ADGRB3: variants seen among roughly 807,000 people sequenced by gnomAD.
ADGRB3 encodes the protein adhesion G protein-coupled receptor B3.
In ADGRB3, 37 loss-of-function variants were observed where a neutral mutation model predicts 193.4. That is an observed-to-expected ratio of 0.19 (90% CI 0.15 to 0.25). The LOEUF (loss-of-function observed/expected upper bound fraction) is 0.25, where lower values mean the gene tolerates loss of function less well. Among genes scored for constraint, ADGRB3 ranks in the 10% least tolerant of loss-of-function variants. ADGRB3 has a pLI of 1.00. For missense variants in ADGRB3, 1,637 were observed against 1,852.9 expected, an observed-to-expected ratio of 0.88 and a Z score of 2.14; for synonymous variants, 690 against 644.2, an observed-to-expected ratio of 1.07 and a Z score of -1.08.
chr6:68,929,243 A>C (rs575737012), intron 3 of ADGRB3, among the ~76,000 whole-genome samples: 1 of 152,206 alleles, frequency 6.6e-6, no homozygotes, highest in African/African-American at 2.4e-5. Flanking sequence ...CTATTCTTTT[A>C]CATTTTCTGC....
intron 17 of ADGRB3, among the ~76,000 whole-genome samples, chr6:69,094,500 A>G (rs1772808766): frequency 6.6e-6 from 1 of 152,218 alleles, no homozygotes. Flanking sequence ...AATATTTAGC[A>G]TTTAGATATC....
intron 3 of ADGRB3, among the ~76,000 whole-genome samples, chr6:68,859,369 C>T (rs778334820): frequency 6.6e-6 from 1 of 152,178 alleles, no homozygotes; most frequent in Non-Finnish European, 1.5e-5. Context: ...CTGCCTGTTA[C>T]CCAGTTCCAA....
At chr6:69,198,691 G>T (rs62406830) in intron 17 of ADGRB3, among the ~76,000 whole-genome samples, 22,142 of 152,040 alleles carry the variant, frequency 0.15, 1,668 homozygotes, top group Middle Eastern at 0.17. Flanking sequence ...TCTGGAGTGA[G>T]TAACAGGGGC....
At chr6:68,879,225 T>A (rs1765671090) in intron 3 of ADGRB3, among the ~76,000 whole-genome samples, 1 of 139,144 alleles carries the variant, frequency 7.2e-6, no homozygotes, top group Admixed American at 7.1e-5. Context: ...TTTTTTTTTT[T>A]TTTTTTTTTT....
intron 20 of ADGRB3, among the ~76,000 whole-genome samples, chr6:69,320,844 T>TGTGC (rs1378228498): frequency 7.9e-5 from 12 of 151,536 alleles, no homozygotes; most frequent in African/African-American, 2.9e-4. Context: ...TGTGTGTGTG[T>TGTGC]GTGTGTGTGT....
intron 3 of ADGRB3, among the ~76,000 whole-genome samples, chr6:68,695,874 G>C (rs1765149022): frequency 6.6e-6 from 1 of 151,990 alleles, no homozygotes; most frequent in Admixed American, 6.6e-5. Context: ...TAAAATAACT[G>C]CGTGTGACAC....
intron 3 of ADGRB3, among the ~76,000 whole-genome samples, chr6:68,832,125 G>A (rs545396003): frequency 4.1e-4 from 63 of 152,084 alleles, no homozygotes; most frequent in African/African-American, 1.3e-3. Flanking sequence ...TATCCAAAGC[G>A]TGAATAATCT....
At chr6:68,863,703 A>T (rs1256317327) in intron 3 of ADGRB3, among the ~76,000 whole-genome samples, 1 of 152,148 alleles carries the variant, frequency 6.6e-6, no homozygotes, top group Non-Finnish European at 1.5e-5. Context: ...CTACTTAGAG[A>T]ATGGCTTTTA....
Position 69,354,288 on chromosome 6 carries a change from A to G in ADGRB3, c.3515A>G (p.Asp1172Gly), listed in dbSNP as rs1769289363. The part of the protein sequence containing the change: ...LRNCQDPINA[D>G]SSSSFPNGHA... ...AACTGTCAGGATCCCATCAATGCAG[A>G]TTCTTCGAGTTCGTTTCCTAATGGG... The change falls in exon 27 of 32, where the codon GAT (aspartate) becomes GGT (glycine). Residue 1172 changes from aspartate to glycine, a missense_variant. Physicochemically the swap from Asp to Gly is moderately conservative, Grantham distance 94. This residue lies in a region of ADGRB3 where 116 missense variants were observed against 168.1 expected (regional missense o/e 0.69). Coordinates refer to ENST00000370598, the MANE Select transcript of ADGRB3 (RefSeq NM_001704.3). 6.2e-7 allele frequency: 1 copy of G among 1,613,938 alleles called. No individual in the cohort carries two copies. The highest frequency in any genetic ancestry group is 1.3e-5 in the African/African-American group (1 of 74,906).
chr6:69,350,239 G>T (rs1246884483), intron 26 of ADGRB3, among the ~76,000 whole-genome samples: 4 of 151,874 alleles, frequency 2.6e-5, no homozygotes, highest in Non-Finnish European at 5.9e-5. Context: ...CTTTTCAGGA[G>T]ACAACCTTGA....
chr6:69,004,126 T>A (rs1179252779), intron 11 of ADGRB3, among the ~76,000 whole-genome samples: 1 of 152,230 alleles, frequency 6.6e-6, no homozygotes, highest in Non-Finnish European at 1.5e-5. Context: ...TATCAAATAT[T>A]CTACTGTTTT....
rs148052146 is a variant in ADGRB3, at chr6:68,916,616, T to C, written c.758-13943T>C. Among the ~76,000 whole-genome samples, 21 of 152,324 alleles carry C rather than the reference T, an allele frequency of 1.4e-4. No individual in the cohort carries two copies. The East Asian group carries it at 3.1e-3, about 22-fold the overall frequency. ...TTAAAATTTGGTCTTACGAAATCAC[T>C]GTATAAGTACTTTGTATTTGATAGT... On this transcript the variant is annotated intron_variant, in intron 3 of 31. Coordinates refer to ENST00000370598, the MANE Select transcript of ADGRB3 (RefSeq NM_001704.3).
At chr6:69,004,513 A>C (rs1290764901) in intron 11 of ADGRB3, among the ~76,000 whole-genome samples, 1 of 150,996 alleles carries the variant, frequency 6.6e-6, no homozygotes, top group Non-Finnish European at 1.5e-5. Flanking sequence ...TGCTGCACCC[A>C]TTAACTAGTC....
chr6:68,771,734 A>G (rs372763401), intron 3 of ADGRB3, among the ~76,000 whole-genome samples: 5 of 152,130 alleles, frequency 3.3e-5, no homozygotes, highest in African/African-American at 1.2e-4. Flanking sequence ...ATTAAGGAGA[A>G]ACAGAATGAC....
chr6:68,706,802 C>T (rs1273572033), intron 3 of ADGRB3, among the ~76,000 whole-genome samples: 1 of 152,066 alleles, frequency 6.6e-6, no homozygotes, highest in Non-Finnish European at 1.5e-5. Context: ...CATAGCTAGT[C>T]GTTTATAATT....
intron 17 of ADGRB3, among the ~76,000 whole-genome samples, chr6:69,085,345 C>A (rs924087560): frequency 1.3e-5 from 2 of 151,974 alleles, no homozygotes; most frequent in African/African-American, 2.4e-5. Flanking sequence ...TTTCAGGAGA[C>A]CTTTACACAA....
intron 10 of ADGRB3, among the ~76,000 whole-genome samples, chr6:68,983,600 C>A (rs984359580): frequency 6.6e-6 from 1 of 151,696 alleles, no homozygotes; most frequent in South Asian, 2.1e-4. Context: ...TTTATGTATC[C>A]ATTCATCTAC....
chr6:69,144,742 G>A (rs538238400), intron 17 of ADGRB3, among the ~76,000 whole-genome samples: 9 of 151,958 alleles, frequency 5.9e-5, no homozygotes, highest in African/African-American at 2.2e-4. Flanking sequence ...CCATCCTTAC[G>A]TCCCCAGAAA....
intron 17 of ADGRB3, among the ~76,000 whole-genome samples, chr6:69,103,594 A>T (rs1368618889): frequency 1.3e-5 from 2 of 151,992 alleles, no homozygotes; most frequent in Non-Finnish European, 2.9e-5. Context: ...CATCTATCTT[A>T]AAGTGGCTTC....
Sources: allele counts gnomAD v4.1 joint callset (sites outside exome capture counted in the v4.1 genomes callset), GRCh38; gene constraint gnomAD v4.1.1; regional missense constraint gnomAD v4.1.1; transcripts MANE v1.5; gene names NCBI Gene and HGNC (gene_info 2026-07-23, HGNC 2026-07-21).